Variants in STK32B observed in about 807,000 individuals in gnomAD.
The protein encoded by STK32B is serine/threonine kinase 32B.
Under a neutral mutation model 52.6 loss-of-function variants are expected in STK32B, and 43 were observed. The observed-to-expected ratio is 0.82, with a 90% CI of 0.64 to 1.05. STK32B has a LOEUF of 1.05. Among genes scored for constraint, STK32B ranks in the 50% least tolerant of loss-of-function variants. The pLI is 0.00. For missense variants in STK32B, 621 were observed against 534.6 expected (o/e 1.16, Z -1.59); for synonymous variants, 238 against 204.3 (o/e 1.17, Z -1.41).
At chr4:5,019,766 T>G in the STK32B span, among the ~76,000 whole-genome samples, 18 of 137,808 alleles carry the variant, frequency 1.3e-4, no homozygotes, top group African/African-American at 2.8e-4. Context: ...TGGAGAGGGG[T>G]GGGGGATAAG....
intron 4 of STK32B, among the ~76,000 whole-genome samples, chr4:5,357,306 T>A (rs911573346): frequency 8.1e-6 from 1 of 123,072 alleles, no homozygotes; most frequent in Non-Finnish European, 1.6e-5. Context: ...AAATACACGG[T>A]CCCTTTCTTC....
At chr4:5,232,061 G>T (rs1257770642) in intron 3 of STK32B, among the ~76,000 whole-genome samples, 1 of 152,150 alleles carries the variant, frequency 6.6e-6, no homozygotes, top group Non-Finnish European at 1.5e-5. Flanking sequence ...GTGAAGAATA[G>T]AGGCACGTCC....
At chr4:5,352,433 A>C (rs1413366080) in intron 4 of STK32B, among the ~76,000 whole-genome samples, 1 of 152,022 alleles carries the variant, frequency 6.6e-6, no homozygotes, top group East Asian at 1.9e-4. Context: ...TAGGCATAGA[A>C]GAAACATCCC....
At chr4:5,116,223 A>G (rs970014373) in intron 1 of STK32B, among the ~76,000 whole-genome samples, 2 of 151,494 alleles carry the variant, frequency 1.3e-5, no homozygotes, top group African/African-American at 2.4e-5. Context: ...ATTTTCCTAC[A>G]TTACCTGCAA....
intron 11 of STK32B, among the ~76,000 whole-genome samples, chr4:5,498,350 C>T (rs976094834): frequency 1.3e-5 from 2 of 152,178 alleles, no homozygotes; most frequent in Non-Finnish European, 2.9e-5. Context: ...AATCATACCC[C>T]CTCAACATAG....
chr4:5,426,497 G>T (rs1713103455), intron 6 of STK32B, among the ~76,000 whole-genome samples: 1 of 151,990 alleles, frequency 6.6e-6, no homozygotes, highest in African/African-American at 2.4e-5. Context: ...TTGAGACCAG[G>T]ATTTCAAGAC....
chr4:5,204,124 A>G (rs1394013582), intron 3 of STK32B: 2 of 152,224 alleles, frequency 1.3e-5, no homozygotes, highest in African/African-American at 2.4e-5. Flanking sequence ...ATGAAGCCTC[A>G]TCTCAAAGTC....
rs889598477 is a variant in STK32B at position 5,111,545 on chromosome 4, T to C, written c.53-28360T>C. Among the ~76,000 whole-genome samples the C allele has an allele frequency of 3.3e-5, 5 of 152,182 alleles. 1 individual carries two copies. The highest frequency in any genetic ancestry group is 1.9e-4 in the East Asian group (1 of 5,180). Reference sequence around the variant, plus strand: ...ATTAAATATTACATGTTCTCACTTATAAGTGGGAGCTAAATGAAGGCTACA... The same window carrying C: ...ATTAAATATTACATGTTCTCACTTACAAGTGGGAGCTAAATGAAGGCTACA... On this transcript the variant is annotated intron_variant, in intron 1 of 11. Coordinates refer to ENST00000282908, the MANE Select transcript of STK32B (RefSeq NM_018401.3).
Position 5,164,978 on chromosome 4 carries a change from G to C in STK32B, c.109-3321G>C, listed in dbSNP as rs115700789. Among the ~76,000 whole-genome samples the C allele has an allele frequency of 6.7e-3, 1,026 of 152,300 alleles. 9 individuals are homozygous for C. The highest frequency in any genetic ancestry group is 0.023 in the African/African-American group (951 of 41,552). ...TCAGTGAGGAAGCAAGTCCAGAGCG[G>C]CTGAGGTTTGTGCACAGCCCCACTC... is the stretch of plus-strand genomic sequence containing the variant. On this transcript the variant is annotated intron_variant, in intron 2 of 11. Transcript: ENST00000282908.
At chr4:5,178,716 A>G (rs1019643893) in intron 3 of STK32B, among the ~76,000 whole-genome samples, 1 of 152,232 alleles carries the variant, frequency 6.6e-6, no homozygotes, top group East Asian at 1.9e-4. Flanking sequence ...CAACATGCTG[A>G]CAGTCTCTTT....
chr4:5,327,874 T>C (rs927360506), intron 3 of STK32B, among the ~76,000 whole-genome samples: 2 of 152,226 alleles, frequency 1.3e-5, no homozygotes, highest in Non-Finnish European at 2.9e-5. Flanking sequence ...AATATAAAGC[T>C]ATTTGCTATT....
intron 3 of STK32B, among the ~76,000 whole-genome samples, chr4:5,315,682 CTTTT>C (rs199584251): frequency 2.5e-5 from 3 of 120,468 alleles, no homozygotes; most frequent in African/African-American, 5.9e-5. Context: ...TTTTCTTTTT[CTTTT>C]TTTTTTTTTT....
At chr4:5,277,017 C>T (rs968403461) in intron 3 of STK32B, among the ~76,000 whole-genome samples, 1 of 152,218 alleles carries the variant, frequency 6.6e-6, no homozygotes, top group East Asian at 1.9e-4. Flanking sequence ...GGAATGGGCA[C>T]CAGTTTCTCC....
At chr4:5,342,555 C>G (rs561344739) in intron 4 of STK32B, among the ~76,000 whole-genome samples, 4 of 152,224 alleles carry the variant, frequency 2.6e-5, no homozygotes, top group African/African-American at 9.6e-5. Flanking sequence ...AATTTACTGA[C>G]TATCAAAAGG....
At chr4:5,193,427 T>C (rs771942355) in intron 3 of STK32B, among the ~76,000 whole-genome samples, 2 of 152,196 alleles carry the variant, frequency 1.3e-5, no homozygotes, top group Non-Finnish European at 2.9e-5. Context: ...CTTAGGCCTT[T>C]AGCAGAGGAG....
rs534611840 is a variant in STK32B at position 5,112,549 on chromosome 4, C to A, written c.53-27356C>A. On this transcript the variant is annotated intron_variant, in intron 1 of 11. Coordinates refer to ENST00000282908, the MANE Select transcript of STK32B (RefSeq NM_018401.3). ...GGTCAGCCTTTAGTTCTCTTCAGAC[C>A]TTTAGCTGATTGGAAGAGGGCCACC... Among the ~76,000 whole-genome samples the A allele has an allele frequency of 3.9e-5, 6 of 152,294 alleles. No homozygotes were observed. The South Asian group carries it at 1.2e-3, about 32-fold the overall frequency.
chr4:5,233,296 G>A (rs993288353), intron 3 of STK32B, among the ~76,000 whole-genome samples: 2 of 152,182 alleles, frequency 1.3e-5, no homozygotes, highest in Non-Finnish European at 2.9e-5. Flanking sequence ...CCTAGAGGAT[G>A]TCATTTACCA....
intron 3 of STK32B, among the ~76,000 whole-genome samples, chr4:5,254,506 A>G (rs1053075182): frequency 1.3e-5 from 2 of 152,146 alleles, no homozygotes; most frequent in Non-Finnish European, 2.9e-5. Flanking sequence ...TTTTTCTGAC[A>G]ATGCACTTAA....
At position 5,499,698 on chromosome 4, in the gene STK32B, G is replaced by T. The variant is rs1720583821; in HGVS notation, c.*615G>T. ...CATGCAGACCAGACTTGTCCCCAAG[G>T]TCTCAGCGCTGCGGTCTCACTCCTC... On this transcript the variant is annotated 3_prime_UTR_variant, in exon 12 of 12. Transcript: ENST00000282908. The T allele has an allele frequency of 6.6e-6, 1 of 152,252 alleles. No individual in the cohort carries two copies. Among genetic ancestry groups the T allele is most frequent in the African/African-American group, 2.4e-5 (1 of 41,428 alleles). The allele number at this position is 152,252 out of a possible 1,614,324, so 9.4% of individuals were successfully genotyped here.
Sources: allele counts gnomAD v4.1 joint callset (sites outside exome capture counted in the v4.1 genomes callset), GRCh38; gene constraint gnomAD v4.1.1; transcripts MANE v1.5; gene names NCBI Gene and HGNC (gene_info 2026-07-23, HGNC 2026-07-21).